AGO2: variants seen among roughly 807,000 people sequenced by gnomAD.
The protein encoded by AGO2 is argonaute RISC catalytic component 2, also known as protein argonaute-2.
Under a neutral mutation model 102.3 loss-of-function variants are expected in AGO2, and 5 were observed. That is an observed-to-expected ratio of 0.05 (90% CI 0.03 to 0.10). AGO2 has a LOEUF of 0.10. Ranked by LOEUF, AGO2 falls within the 10% of genes least tolerant of loss-of-function variation. The pLI is 1.00. For missense variants in AGO2, 541 were observed against 1,183.7 expected, an observed-to-expected ratio of 0.46 and a Z score of 7.97; for synonymous variants, 449 against 473.1, an observed-to-expected ratio of 0.95 and a Z score of 0.66.
intron 1 of AGO2, among the ~76,000 whole-genome samples, chr8:140,624,691 G>A (rs547367287): frequency 2.8e-4 from 43 of 152,362 alleles, no homozygotes; most frequent in African/African-American, 1.0e-3. Context: ...TGTGCTCCCC[G>A]GCTGGGAGGA....
intron 14 of AGO2, among the ~76,000 whole-genome samples, chr8:140,541,660 T>C (rs1357510341): frequency 6.6e-6 from 1 of 152,164 alleles, no homozygotes. Flanking sequence ...TCCCAGCACT[T>C]TGGAGGCCGA....
chr8:140,614,015 CAAAAAAAA>C (rs59000809), intron 1 of AGO2, among the ~76,000 whole-genome samples: 13 of 57,630 alleles, frequency 2.3e-4, no homozygotes, highest in Admixed American at 1.3e-3. Flanking sequence ...GACCCTGTCT[CAAAAAAAA>C]AAAAAAAAAA....
At chr8:140,635,127 G>A (rs1364338984) in intron 1 of AGO2, among the ~76,000 whole-genome samples, 1 of 146,656 alleles carries the variant, frequency 6.8e-6, no homozygotes, top group African/African-American at 2.4e-5. Flanking sequence ...GCCTACACGC[G>A]GCGGCCGCCT....
upstream of AGO2, among the ~76,000 whole-genome samples, chr8:140,639,821 T>G (rs2074430862): frequency 6.6e-6 from 1 of 152,122 alleles, no homozygotes; most frequent in Non-Finnish European, 1.5e-5. Flanking sequence ...AATCTGCCAG[T>G]GCCATCCTCC....
intron 10 of AGO2, among the ~76,000 whole-genome samples, chr8:140,552,841 G>C (rs559365323): frequency 6.6e-6 from 1 of 152,242 alleles, no homozygotes; most frequent in African/African-American, 2.4e-5. Context: ...TCTTTGTTAC[G>C]GGGCTGTCCT....
At chr8:140,604,837 A>G (rs1407044533) in intron 1 of AGO2, among the ~76,000 whole-genome samples, 1 of 152,052 alleles carries the variant, frequency 6.6e-6, no homozygotes, top group Non-Finnish European at 1.5e-5. Context: ...AAAAAAAAAA[A>G]AGGCATTTTC....
intron 1 of AGO2, among the ~76,000 whole-genome samples, chr8:140,600,067 G>A (rs1302593415): frequency 5.9e-5 from 9 of 152,194 alleles, no homozygotes; most frequent in Admixed American, 2.0e-4. Flanking sequence ...ACATGCAGAC[G>A]ACGTGACAGC....
rs542824909 is a variant in AGO2, at chr8:140,545,798, C to T, written c.1749-1495G>A. On this transcript the variant is annotated intron_variant, in intron 13 of 18. Coordinates refer to ENST00000220592, the MANE Select transcript of AGO2 (RefSeq NM_012154.5). ...CTCCCACTCTGTGCCCCTGCCCTGGCGTGGCCGAGGCCACCAGCCCCTCTC... is the reference window on the plus strand; with the variant it reads ...CTCCCACTCTGTGCCCCTGCCCTGGTGTGGCCGAGGCCACCAGCCCCTCTC... Among the ~76,000 whole-genome samples, 15 of 152,332 alleles carry T rather than the reference C, an allele frequency of 9.8e-5. No homozygotes were observed. In the East Asian group the frequency reaches 1.2e-3, roughly 12 times the overall value.
At chr8:140,558,422 T>C in intron 7 of AGO2, 63 bp downstream of exon 7, 5 of 1,521,802 alleles carry the variant, frequency 3.3e-6, no homozygotes, top group Non-Finnish European at 4.6e-6. Context: ...GGCTCCAGAG[T>C]GTGCCCGTCG....
At chr8:140,560,550 G>A (rs1414736881) in intron 4 of AGO2, 40 bp from the exon 5 acceptor site, 2 of 1,590,004 alleles carry the variant, frequency 1.3e-6, no homozygotes, top group South Asian at 2.2e-5. Flanking sequence ...CGTCAGATGT[G>A]TCTTCCGGAA....
rs193186005 is a variant in AGO2 at position 140,585,604 on chromosome 8, A to G, written c.23-293T>C. ...ATTACTAGCACGGGAGACAAGGCAA[A>G]GAGCCCAAAAGTGTCAAGGCGGTGC... is the stretch of plus-strand genomic sequence containing the variant. On this transcript the variant is annotated intron_variant, in intron 1 of 18. Coordinates refer to ENST00000220592, the MANE Select transcript of AGO2 (RefSeq NM_012154.5). 3.0e-4 allele frequency among the ~76,000 whole-genome samples: 45 copies of G among 152,364 alleles called. No individual in the cohort carries two copies. In the East Asian group the frequency reaches 7.9e-3, roughly 27 times the overall value.
intron 13 of AGO2, among the ~76,000 whole-genome samples, chr8:140,546,444 G>A (rs192077345): frequency 9.3e-4 from 141 of 152,348 alleles, no homozygotes; most frequent in Non-Finnish European, 1.5e-3. Context: ...AGCTGCTCAG[G>A]TGTGAGGACA....
chr8:140,560,353 A>C (rs375432482), intron 5 of AGO2, 21 bp downstream of exon 5: 2 of 1,610,358 alleles, frequency 1.2e-6, no homozygotes, highest in African/African-American at 2.7e-5. Flanking sequence ...CCTGCAGTGA[A>C]GACCCCAGGG....
rs369290644 is a variant in AGO2 at position 140,632,027 on chromosome 8, C to A, written c.22+3458G>T. Among the ~76,000 whole-genome samples the A allele has an allele frequency of 6.6e-5, 10 of 152,272 alleles. 1 individual carries two copies. In the South Asian group the frequency reaches 1.0e-3, roughly 16 times the overall value. On this transcript the variant is annotated intron_variant, in intron 1 of 18. Transcript: ENST00000220592. Reference sequence around the variant, plus strand: ...GTTTTGAAGATTCACAGTAACGATTCGTGAAACAAAACCACATTTTATGAG... The same window carrying A: ...GTTTTGAAGATTCACAGTAACGATTAGTGAAACAAAACCACATTTTATGAG...
chr8:140,586,471 G>C (rs561928146), intron 1 of AGO2, among the ~76,000 whole-genome samples: 3 of 152,356 alleles, frequency 2.0e-5, no homozygotes, highest in Non-Finnish European at 4.4e-5. Flanking sequence ...GGGTGACAGA[G>C]CGAGACTCCA....
At chr8:140,607,248 T>A (rs1471683329) in intron 1 of AGO2, among the ~76,000 whole-genome samples, 6 of 143,830 alleles carry the variant, frequency 4.2e-5, no homozygotes, top group African/African-American at 1.3e-4. Context: ...AAACTCCATT[T>A]AAAAAAAAAA....
At chr8:140,628,932 CA>C (rs11354705) in intron 1 of AGO2, among the ~76,000 whole-genome samples, 106,354 of 150,702 alleles carry the variant, frequency 0.71, 37,764 homozygotes, top group Admixed American at 0.78. Context: ...ACTAAAAATA[CA>C]AAAAAAAAAT....
At position 140,586,153 on chromosome 8, in the gene AGO2, C is replaced by T. The variant is rs558991888; in HGVS notation, c.23-842G>A. On this transcript the variant is annotated intron_variant, in intron 1 of 18. Transcript: ENST00000220592. Reference sequence around the variant, plus strand: ...CACTCCACCCTTCAATGGCACTCAGCGGGTGCCCCTGTGGGCTGGGCACCA... The same window carrying T: ...CACTCCACCCTTCAATGGCACTCAGTGGGTGCCCCTGTGGGCTGGGCACCA... Among the ~76,000 whole-genome samples the T allele has an allele frequency of 3.3e-5, 5 of 152,340 alleles. No individual in the cohort carries two copies. In the South Asian group the frequency reaches 8.3e-4, roughly 25 times the overall value.
upstream of AGO2, chr8:140,638,161 G>A (rs2074422167): frequency 6.6e-6 from 1 of 152,260 alleles, no homozygotes. Flanking sequence ...AGAAAGAAGG[G>A]GTGAGGGGAA....
Sources: gnomAD v4.1 joint callset for allele counts (sites outside exome capture counted in the v4.1 genomes callset) on GRCh38, gnomAD v4.1.1 for gene constraint, MANE v1.5 for transcripts, NCBI Gene and HGNC (gene_info 2026-07-23, HGNC 2026-07-21) for gene names.